Variants in SEMA3D observed in about 807,000 individuals in gnomAD.
SEMA3D encodes semaphorin 3D.
A neutral mutation model predicts 100.1 loss-of-function variants in SEMA3D; 84 were observed. The observed-to-expected ratio is 0.84, with a 90% CI of 0.70 to 1.01. The LOEUF is 1.01. Among genes scored for constraint, SEMA3D ranks in the 50% least tolerant of loss-of-function variants. The pLI is 0.00. For synonymous variants in SEMA3D, 312 were observed against 320.7 expected, an observed-to-expected ratio of 0.97 and a Z score of 0.29; for missense variants, 875 against 934.1, an observed-to-expected ratio of 0.94 and a Z score of 0.82.
At chr7:85,128,883 CCT>C (rs1491134438) in intron 2 of SEMA3D, among the ~76,000 whole-genome samples, 4 of 105,800 alleles carry the variant, frequency 3.8e-5, no homozygotes, top group East Asian at 3.3e-4. Context: ...ATATTTTTTT[CCT>C]TTTTTTTTTT....
chr7:85,001,136 G>A lies in SEMA3D; in HGVS notation c.1909-1271C>T, dbSNP rs374515164. On this transcript the variant is annotated intron_variant, in intron 18 of 18. Coordinates refer to ENST00000284136, the MANE Select transcript of SEMA3D (RefSeq NM_001384900.1). Reference sequence around the variant, plus strand: ...AGCCCAGTTAACTAACAAGTATATGGCAAGCCACCCTCTGTGCCAGAGAAG... The same window carrying A: ...AGCCCAGTTAACTAACAAGTATATGACAAGCCACCCTCTGTGCCAGAGAAG... Among the ~76,000 whole-genome samples the A allele has an allele frequency of 1.2e-4, 19 of 152,280 alleles. No individual in the cohort carries two copies. In the East Asian group the frequency reaches 1.7e-3, roughly 14 times the overall value.
chr7:85,057,478 A>G (rs1791354123), intron 8 of SEMA3D, among the ~76,000 whole-genome samples: 1 of 152,216 alleles, frequency 6.6e-6, no homozygotes, highest in Non-Finnish European at 1.5e-5. Flanking sequence ...AGAAAAATAA[A>G]TTGGCGGGAG....
the SEMA3D span, among the ~76,000 whole-genome samples, chr7:85,209,443 C>A: frequency 6.6e-6 from 1 of 151,842 alleles, no homozygotes; most frequent in Non-Finnish European, 1.5e-5. Flanking sequence ...CAGGAAAAGG[C>A]CTCTGAAGGG....
At chr7:85,096,039 A>G (rs1346117658) in intron 4 of SEMA3D, among the ~76,000 whole-genome samples, 1 of 152,016 alleles carries the variant, frequency 6.6e-6, no homozygotes, top group East Asian at 1.9e-4. Context: ...AATTCCCTTA[A>G]AAGTATGAAT....
rs150477530 is a variant in SEMA3D at position 85,015,138 on chromosome 7, C to T, written c.1624G>A (p.Ala542Thr). Residue 542 changes from alanine to threonine, a missense_variant, in exon 16 of 19, where the codon GCA becomes ACA. By Grantham distance (58) the Ala-to-Thr change is moderately conservative. Coordinates refer to ENST00000284136, the MANE Select transcript of SEMA3D (RefSeq NM_001384900.1). ...HRCDTYGKAC[A>T]DCCLARDPYC... ...GGGTCTCTGGCAAGACAACAGTCTG[C>T]GCAAGCTTTCCCATAAGTGTCGCAT... is the stretch of plus-strand genomic sequence containing the variant. 35 of 1,611,678 alleles carry T rather than the reference C, an allele frequency of 2.2e-5. No individual in the cohort carries two copies. The highest frequency in any genetic ancestry group is 8.0e-5 in the African/African-American group (6 of 74,844).
At chr7:85,224,645 A>G in the SEMA3D span, among the ~76,000 whole-genome samples, 1 of 152,184 alleles carries the variant, frequency 6.6e-6, no homozygotes, top group East Asian at 1.9e-4. Flanking sequence ...TGTCATATCT[A>G]GGCTCATCTT....
intron 6 of SEMA3D, among the ~76,000 whole-genome samples, chr7:85,068,627 A>G (rs910078087): frequency 6.6e-6 from 1 of 152,156 alleles, no homozygotes; most frequent in Non-Finnish European, 1.5e-5. Flanking sequence ...TAACTTATTG[A>G]GCCTAATAAA....
At chr7:85,149,246 A>T (rs1321908695) in intron 2 of SEMA3D, among the ~76,000 whole-genome samples, 1 of 152,038 alleles carries the variant, frequency 6.6e-6, no homozygotes, top group Non-Finnish European at 1.5e-5. Context: ...GGAGTTCAAG[A>T]CCAGCCTGGA....
chr7:85,157,719 G>C (rs148972942), intron 1 of SEMA3D: 2 of 764,412 alleles, frequency 2.6e-6, no homozygotes, highest in Non-Finnish European at 3.2e-6. Flanking sequence ...CAGAGGTGTA[G>C]CTCTTCTCCT....
At chr7:85,163,946 T>G in intron 1 of SEMA3D, among the ~76,000 whole-genome samples, 1 of 152,326 alleles carries the variant, frequency 6.6e-6, no homozygotes, top group African/African-American at 2.4e-5. Context: ...TATAAATTTT[T>G]ATTTTGTAAA....
At chr7:85,030,814 T>G (rs918643913) in intron 12 of SEMA3D, among the ~76,000 whole-genome samples, 5 of 152,078 alleles carry the variant, frequency 3.3e-5, no homozygotes, top group Non-Finnish European at 5.9e-5. Context: ...TCTAGCAGTC[T>G]GTTATTTTGG....
chr7:85,028,067 T>A (rs1248562267), intron 12 of SEMA3D: 2 of 605,028 alleles, frequency 3.3e-6, no homozygotes, highest in Non-Finnish European at 6.2e-6. Context: ...GATTTGATGA[T>A]GCCATTGTCC....
chr7:85,191,078 C>G (rs1791684733), upstream of SEMA3D, among the ~76,000 whole-genome samples: 1 of 152,078 alleles, frequency 6.6e-6, no homozygotes. Context: ...ATTTACTTAG[C>G]TGGGTTGGGG....
At chr7:85,143,819 T>A (rs1407069678) in intron 2 of SEMA3D, among the ~76,000 whole-genome samples, 1 of 151,846 alleles carries the variant, frequency 6.6e-6, no homozygotes, top group East Asian at 1.9e-4. Flanking sequence ...CCTCCTGGGT[T>A]CAAGCTTCAG....
intron 15 of SEMA3D, among the ~76,000 whole-genome samples, chr7:85,017,212 C>T (rs1457510475): frequency 6.6e-6 from 1 of 151,712 alleles, no homozygotes; most frequent in African/African-American, 2.4e-5. Context: ...CTTCATAATT[C>T]AAGCTGTATG....
intron 1 of SEMA3D, among the ~76,000 whole-genome samples, chr7:85,162,482 T>C (rs1179841526): frequency 2.0e-5 from 3 of 152,166 alleles, no homozygotes; most frequent in East Asian, 1.9e-4. Flanking sequence ...CCAGAATGCA[T>C]AGCCATTTGT....
intron 1 of SEMA3D, among the ~76,000 whole-genome samples, chr7:85,164,428 T>C (rs1790835941): frequency 6.6e-6 from 1 of 152,148 alleles, no homozygotes; most frequent in Admixed American, 6.6e-5. Context: ...GAGAGCATTT[T>C]TGAGCTGCAA....
At chr7:85,178,257 T>C (rs11977889) in intron 1 of SEMA3D, among the ~76,000 whole-genome samples, 70,501 of 152,058 alleles carry the variant, frequency 0.46, 17,545 homozygotes, top group East Asian at 0.72. Flanking sequence ...GGTGCTGCTG[T>C]AAAGATACCT....
chr7:85,218,521 G>A, the SEMA3D span, among the ~76,000 whole-genome samples: 7 of 151,954 alleles, frequency 4.6e-5, no homozygotes, highest in African/African-American at 1.7e-4. Flanking sequence ...GATTATAATT[G>A]ACTTTACATT....
Sources: allele counts gnomAD v4.1 joint callset (sites outside exome capture counted in the v4.1 genomes callset), GRCh38; gene constraint gnomAD v4.1.1; transcripts MANE v1.5; gene names NCBI Gene and HGNC (gene_info 2026-07-23, HGNC 2026-07-21).